SYNJ2: variants seen among roughly 807,000 people sequenced by gnomAD.
SYNJ2 encodes the protein polyphosphatidylinositol phosphatase SYNJ2.
In SYNJ2, 116 loss-of-function variants were observed where a neutral mutation model predicts 141.3. The observed-to-expected ratio is 0.82, with a 90% CI of 0.71 to 0.96. The LOEUF (loss-of-function observed/expected upper bound fraction) is 0.96. SYNJ2 is among the 40% of genes least tolerant of loss of function. The pLI is 0.00. For synonymous variants in SYNJ2, 745 were observed against 777.7 expected (o/e 0.96, Z 0.70); for missense variants, 1,873 against 1,934.8 (o/e 0.97, Z 0.60).
At position 158,074,566 on chromosome 6, in the gene SYNJ2, TC is replaced by T. The variant is rs1470730023; in HGVS notation, c.2134-13del. On this transcript the variant is annotated splice_polypyrimidine_tract_variant and intron_variant, in intron 15 of 26. Coordinates refer to ENST00000355585, the MANE Select transcript of SYNJ2 (RefSeq NM_003898.4). ...AAGATGGGCTGAATGATTATGATTT[TC>T]TTTTCAACTTAGGGGAGAAATGTTT... 1.2e-6 allele frequency: 2 copies of T among 1,607,398 alleles called. No homozygotes were observed. Among genetic ancestry groups the T allele is most frequent in the African/African-American group, 2.7e-5 (2 of 74,586 alleles).
intron 3 of SYNJ2, among the ~76,000 whole-genome samples, chr6:158,032,896 G>T (rs11961258): frequency 2.6e-5 from 4 of 152,094 alleles, no homozygotes; most frequent in Non-Finnish European, 4.4e-5. Context: ...TATTTTCCTC[G>T]GATCTTTTTA....
intron 1 of SYNJ2, among the ~76,000 whole-genome samples, chr6:157,998,387 C>T (rs1209031081): frequency 6.6e-6 from 1 of 152,206 alleles, no homozygotes; most frequent in Non-Finnish European, 1.5e-5. Context: ...ATGGGTCTTC[C>T]CTGTCCAGAG....
intron 23 of SYNJ2, 72 bp from the exon 24 acceptor site, chr6:158,088,588 G>A (rs1465125878): frequency 9.7e-6 from 11 of 1,133,342 alleles, no homozygotes; most frequent in Middle Eastern, 2.6e-4. Flanking sequence ...TCGTCTAGTC[G>A]GGCTCCTGGC....
In SYNJ2 at chr6:158,070,300, G is replaced by A. The variant is rs555744920; in HGVS notation, c.1940+627G>A. Reference sequence around the variant, plus strand: ...GCCTTTCGGCGAGCTGGCAGCAGGCGTTGAACTGACCTCCCCACTGAGCCC... The same window carrying A: ...GCCTTTCGGCGAGCTGGCAGCAGGCATTGAACTGACCTCCCCACTGAGCCC... On this transcript the variant is annotated intron_variant, in intron 14 of 26. Transcript: ENST00000355585. The surrounding 1 kb of genome is among the most constrained non-coding windows in gnomAD (Gnocchi z 4.0). The A allele has an allele frequency of 3.0e-5, 30 of 985,566 alleles. No homozygotes were observed. Among genetic ancestry groups the A allele is most frequent in the South Asian group, 9.4e-5 (2 of 21,288 alleles). The allele number at this position is 985,566 out of a possible 1,614,324, so 61.1% of individuals were successfully genotyped here.
chr6:158,093,944 T>C, intron 26 of SYNJ2: 1 of 765,296 alleles, frequency 1.3e-6, no homozygotes, highest in East Asian at 2.4e-5. Context: ...TTCAAAGACA[T>C]GAGTTTGTAA....
chr6:158,093,727 G>C (rs1203261063), intron 26 of SYNJ2, among the ~76,000 whole-genome samples: 61 of 152,316 alleles, frequency 4.0e-4, no homozygotes, highest in Non-Finnish European at 2.9e-5. Flanking sequence ...TTCCCCACAT[G>C]TTCTGGTACC....
intron 1 of SYNJ2, among the ~76,000 whole-genome samples, chr6:158,010,547 C>A (rs1778225380): frequency 6.6e-6 from 1 of 152,156 alleles, no homozygotes; most frequent in Admixed American, 6.5e-5. Context: ...ATGGGGCAGT[C>A]AGGCTTTAAA....
intron 9 of SYNJ2, 80 bp from the exon 10 acceptor site, chr6:158,064,521 G>GA: frequency 6.4e-7 from 1 of 1,553,588 alleles, no homozygotes; most frequent in East Asian, 2.3e-5. Context: ...ACAGGCTGCC[G>GA]AATAAGGAAC....
At chr6:158,083,210 G>C (rs1782811195) in intron 20 of SYNJ2, among the ~76,000 whole-genome samples, 1 of 152,102 alleles carries the variant, frequency 6.6e-6, no homozygotes, top group Admixed American at 6.5e-5. Flanking sequence ...TGGGATTACA[G>C]GTGTGAGCCA....
rs1781450634 is a variant in SYNJ2 at position 158,064,703 on chromosome 6, C to T, written c.1312C>T (p.Leu438=). 1 of 1,613,914 alleles carries T rather than the reference C, an allele frequency of 6.2e-7. No homozygotes were observed. Among genetic ancestry groups the T allele is most frequent in the South Asian group, 1.1e-5 (1 of 91,088 alleles). ...CATGTGGTCTCTGAATGGCCACAGC[C>T]TGAGCAAGGTGTTCACAGGCAGCAG... ...KAMWSLNGHS[L]SKVFTGSRAL... The change falls in exon 10 of 27, where the codon CTG becomes TTG. Residue 438 remains leucine, a synonymous_variant. Transcript: ENST00000355585.
chr6:158,000,808 G>C (rs1052733928), intron 1 of SYNJ2, among the ~76,000 whole-genome samples: 1 of 152,106 alleles, frequency 6.6e-6, no homozygotes, highest in Admixed American at 6.5e-5. Context: ...AGACCACTCT[G>C]CTGTCCTTGG....
intron 1 of SYNJ2, among the ~76,000 whole-genome samples, chr6:158,005,589 C>T (rs1487825044): frequency 2.0e-5 from 3 of 151,932 alleles, no homozygotes; most frequent in African/African-American, 4.8e-5. Flanking sequence ...CTGCACCAGC[C>T]GCTGTGCAGT....
At chr6:158,005,129 G>A (rs1778012536) in intron 1 of SYNJ2, among the ~76,000 whole-genome samples, 1 of 148,580 alleles carries the variant, frequency 6.7e-6, no homozygotes, top group African/African-American at 2.5e-5. Context: ...CCAGGCTGGA[G>A]TGCAGTGGCG....
chr6:158,090,905 T>C (rs1407682962), intron 25 of SYNJ2, among the ~76,000 whole-genome samples: 3 of 152,164 alleles, frequency 2.0e-5, no homozygotes, highest in South Asian at 4.1e-4. Context: ...TTAGTCAGCA[T>C]GTTTAACTTC....
rs147538629 is a variant in SYNJ2 at position 158,025,979 on chromosome 6, G to GCATACATACATACATA, written c.215-2775_215-2760dup. 7.9e-3 allele frequency among the ~76,000 whole-genome samples: 1,057 copies of GCATACATACATACATA among 133,922 alleles called. 7 individuals are homozygous for GCATACATACATACATA. Among genetic ancestry groups the GCATACATACATACATA allele is most frequent in the East Asian group, 0.014 (67 of 4,914 alleles). The allele number at this position is 133,922 out of a possible 152,430, so 87.9% of individuals were successfully genotyped here. ...AAAAATAAATAAATAAATAATACATGCATACATACATACATACGTACATAC... is the reference window on the plus strand; with the variant it reads ...AAAAATAAATAAATAAATAATACATGCATACATACATACATACATACATACATACATACGTACATAC... On this transcript the variant is annotated intron_variant, in intron 2 of 26. Coordinates refer to ENST00000355585, the MANE Select transcript of SYNJ2 (RefSeq NM_003898.4).
At position 157,993,797 on chromosome 6, in the gene SYNJ2, G is replaced by GTTTTT. The variant is rs61529071; in HGVS notation, c.127+11740_127+11744dup. Among the ~76,000 whole-genome samples, 50 of 47,960 alleles carry GTTTTT rather than the reference G, an allele frequency of 1.0e-3. 5 individuals carry two copies. Among genetic ancestry groups the GTTTTT allele is most frequent in the African/African-American group, 1.2e-3 (16 of 13,266 alleles). 31.5% of individuals were successfully genotyped at this position (47,960 alleles called of 152,430 possible). On this transcript the variant is annotated intron_variant, in intron 1 of 26. Transcript: ENST00000355585. Reference sequence around the variant, plus strand: ...AGTTTGTGTGTCTGGAAATGTGTGGGTTTTTTTTTTTTTTTTTTTTTTTTT... The same window carrying GTTTTT: ...AGTTTGTGTGTCTGGAAATGTGTGGGTTTTTTTTTTTTTTTTTTTTTTTTTTTTTT...
At chr6:158,005,870 G>A (rs113119640) in intron 1 of SYNJ2, among the ~76,000 whole-genome samples, 1,763 of 151,932 alleles carry the variant, frequency 0.012, 40 homozygotes, top group African/African-American at 0.04. Flanking sequence ...ACCACTACCC[G>A]CCCACCATGT....
chr6:158,080,518 T>C (rs1352388638), intron 18 of SYNJ2, among the ~76,000 whole-genome samples: 12 of 150,142 alleles, frequency 8.0e-5, no homozygotes, highest in Non-Finnish European at 1.0e-4. Flanking sequence ...CTTTTTTTTT[T>C]TCCCTCCCAT....
At chr6:158,042,234 G>T (rs1006224200) in intron 4 of SYNJ2, among the ~76,000 whole-genome samples, 2 of 152,274 alleles carry the variant, frequency 1.3e-5, no homozygotes, top group African/African-American at 4.8e-5. Context: ...GAAACAGACA[G>T]CATGTTCTTA....
Sources: allele counts gnomAD v4.1 joint callset (sites outside exome capture counted in the v4.1 genomes callset), GRCh38; gene constraint gnomAD v4.1.1; non-coding constraint Gnocchi (gnomAD v3.1); transcripts MANE v1.5; gene names NCBI Gene and HGNC (gene_info 2026-07-23, HGNC 2026-07-21).